The following SOD2 variants were observed in gnomAD, a reference collection of about 807,000 sequenced individuals.
SOD2 encodes superoxide dismutase [Mn], mitochondrial.
A neutral mutation model predicts 27.0 loss-of-function variants in SOD2; 11 were observed. That is an observed-to-expected ratio of 0.41 (90% CI 0.26 to 0.67). SOD2 has a LOEUF of 0.67. Ranked by LOEUF, SOD2 falls within the 30% of genes least tolerant of loss-of-function variation. SOD2 has a pLI of 0.34. For synonymous variants in SOD2, 105 were observed against 103.0 expected, an observed-to-expected ratio of 1.02 and a Z score of -0.12; for missense variants, 250 against 274.5, an observed-to-expected ratio of 0.91 and a Z score of 0.63.
chr6:159,683,363 T>C (rs977140210), intron 4 of SOD2, among the ~76,000 whole-genome samples: 3 of 152,094 alleles, frequency 2.0e-5, no homozygotes, highest in African/African-American at 4.8e-5. Flanking sequence ...CAGGCGCCTG[T>C]AATCCCAGCT....
chr6:159,692,756 G>T lies in SOD2; in HGVS notation c.131C>A (p.Ala44Glu). The T allele has an allele frequency of 6.2e-7, 1 of 1,614,178 alleles. No homozygotes were observed. Among genetic ancestry groups the T allele is most frequent in the Non-Finnish European group, 8.5e-7 (1 of 1,180,016 alleles). ...GCTGTGGTGCAGCTGCATGATCTGC[G>T]CGTTGATGTGAGGTTCCAGGGCGCC... ...DYGALEPHIN[A>E]QIMQLHHSKH... Residue 44 changes from alanine to glutamate, a missense_variant, in exon 2 of 5, where the codon GCG becomes GAG. Ala to Glu is a moderately radical substitution (Grantham distance 107). Transcript: ENST00000538183.
At chr6:159,696,304 T>G (rs12200021), upstream of SOD2, among the ~76,000 whole-genome samples, 1 of 152,164 alleles carries the variant, frequency 6.6e-6, no homozygotes, top group African/African-American at 2.4e-5. Context: ...GGGCTCCCAC[T>G]GTCTCCCCCA....
At chr6:159,756,788 G>T (rs545961690) in intron 1 of SOD2, among the ~76,000 whole-genome samples, 8 of 152,152 alleles carry the variant, frequency 5.3e-5, no homozygotes, top group Admixed American at 5.2e-4. Context: ...AATTTTAGTA[G>T]AGACAAGGCC....
intron 1 of SOD2, chr6:159,726,800 C>A: frequency 2.3e-6 from 3 of 1,289,216 alleles, no homozygotes; most frequent in Non-Finnish European, 2.0e-6. Flanking sequence ...GGAGACTGCG[C>A]CTCACGACTG....
intron 1 of SOD2, among the ~76,000 whole-genome samples, chr6:159,701,377 C>T (rs1421514119): frequency 6.6e-6 from 1 of 152,132 alleles, no homozygotes; most frequent in Non-Finnish European, 1.5e-5. Context: ...GATTATAAGA[C>T]TTTTTATTAC....
chr6:159,690,152 T>C (rs1780383739), intron 2 of SOD2, among the ~76,000 whole-genome samples: 1 of 151,456 alleles, frequency 6.6e-6, no homozygotes, highest in African/African-American at 2.4e-5. Context: ...CCAGGCGTGG[T>C]GGCGTACGCC....
At chr6:159,742,254 A>G (rs1372974217) in intron 1 of SOD2, 2 of 962,926 alleles carry the variant, frequency 2.1e-6, no homozygotes, top group African/African-American at 1.7e-5. Flanking sequence ...CTCGTGTTTT[A>G]TTATAAGAAC....
upstream of SOD2, chr6:159,748,725 C>T: frequency 1.6e-6 from 2 of 1,245,574 alleles, no homozygotes; most frequent in Non-Finnish European, 2.0e-6. This position sits in a 1 kb window ranked among gnomAD's most constrained non-coding sequence, Gnocchi z 5.6. Flanking sequence ...GTCTGTGGCA[C>T]ACTGTGTCTT....
intron 1 of SOD2, among the ~76,000 whole-genome samples, chr6:159,735,631 C>T (rs1283364820): frequency 1.3e-5 from 2 of 152,092 alleles, no homozygotes; most frequent in African/African-American, 2.4e-5. Context: ...CACCTGTAGT[C>T]CCAGCTATTT....
intron 1 of SOD2, chr6:159,713,627 T>C (rs1562439664): frequency 6.8e-6 from 7 of 1,027,932 alleles, no homozygotes; most frequent in East Asian, 2.4e-5. Flanking sequence ...ATCTCTTCCT[T>C]GGACAGCCAA....
chr6:159,756,283 C>A (rs1189922279), intron 1 of SOD2: 2 of 152,606 alleles, frequency 1.3e-5, no homozygotes, highest in Non-Finnish European at 2.9e-5. Flanking sequence ...CCTGTACTGA[C>A]CAAACCTAAA....
At chr6:159,692,479 C>A (rs1583020541) in intron 2 of SOD2, 182 bp downstream of exon 2, 4 of 1,443,084 alleles carry the variant, frequency 2.8e-6, no homozygotes, top group South Asian at 3.0e-5. Context: ...CCCATCGAGG[C>A]ACTCCTTCTA....
intron 1 of SOD2, chr6:159,726,807 A>C: frequency 1.6e-6 from 2 of 1,289,202 alleles, no homozygotes; most frequent in Non-Finnish European, 2.0e-6. Flanking sequence ...GCGCCTCACG[A>C]CTGATGAGAG....
chr6:159,711,733 C>A (rs201531653), intron 1 of SOD2, among the ~76,000 whole-genome samples: 45 of 31,302 alleles, frequency 1.4e-3, no homozygotes, highest in African/African-American at 4.9e-3. Flanking sequence ...ACCACCTCCA[C>A]AACCACCACT....
At chr6:159,704,263 T>A (rs572052599) in intron 1 of SOD2, among the ~76,000 whole-genome samples, 2 of 152,294 alleles carry the variant, frequency 1.3e-5, no homozygotes, top group East Asian at 3.9e-4. Context: ...CACTGGGGCT[T>A]GTCAGACAGT....
intron 1 of SOD2, chr6:159,755,353 T>A (rs528166112): frequency 6.2e-7 from 1 of 1,614,220 alleles, no homozygotes; most frequent in African/African-American, 1.3e-5. Flanking sequence ...GGAATGGTAA[T>A]AAGTCCTCCA....
chr6:159,761,375 G>C (rs866451824), exon 1 of SOD2: 3 of 353,016 alleles, frequency 8.5e-6, no homozygotes, highest in Non-Finnish European at 1.7e-5. Context: ...CTGTCCAAAC[G>C]TCAACCAAAG....
At chr6:159,753,472 A>G (rs1269970949) in intron 1 of SOD2, 3 of 1,614,092 alleles carry the variant, frequency 1.9e-6, no homozygotes, top group African/African-American at 2.7e-5. Flanking sequence ...AAACAGGGAA[A>G]AAGTTAATGG....
At position 159,674,712 on chromosome 6, in the gene SOD2, C is replaced by T. The variant is rs1289926229; in HGVS notation, c.*7781G>A. On this transcript the variant is annotated 3_prime_UTR_variant, in exon 5 of 5. Coordinates refer to ENST00000538183, the MANE Select transcript of SOD2 (RefSeq NM_000636.4). ...AAGACAGGGATGCCCTCTCTCACCA[C>T]TCCTATTCAACATAGTGTTGGAAGT... 6.6e-6 allele frequency: 1 copy of T among 152,232 alleles called. No homozygotes were observed. The highest frequency in any genetic ancestry group is 1.5e-5 in the Non-Finnish European group (1 of 68,050). The allele number at this position is 152,232 out of a possible 1,614,324, so 9.4% of individuals were successfully genotyped here.
Sources: gnomAD v4.1 joint callset for allele counts (sites outside exome capture counted in the v4.1 genomes callset) on GRCh38, gnomAD v4.1.1 for gene constraint, Gnocchi (gnomAD v3.1) non-coding constraint, MANE v1.5 for transcripts, NCBI Gene and HGNC (gene_info 2026-07-23, HGNC 2026-07-21) for gene names.